IGSF21: variants seen among roughly 807,000 people sequenced by gnomAD.
The protein encoded by IGSF21 is immunoglobulin superfamily member 21.
IGSF21 carries 28 observed loss-of-function variants against 46.8 expected under a neutral mutation model. The observed-to-expected ratio is 0.60, with a 90% CI of 0.44 to 0.82. IGSF21 has a LOEUF of 0.82. Among genes scored for constraint, IGSF21 ranks in the 40% least tolerant of loss-of-function variants. The pLI is 0.00. For missense variants in IGSF21, 624 were observed against 665.5 expected (o/e 0.94, Z 0.69); for synonymous variants, 284 against 273.6 (o/e 1.04, Z -0.38).
intron 6 of IGSF21, among the ~76,000 whole-genome samples, chr1:18,371,505 G>A (rs11582007): frequency 0.042 from 6,423 of 151,610 alleles, 302 homozygotes; most frequent in African/African-American, 0.11. Flanking sequence ...CTGGGAGGTG[G>A]AGGTTGCAGT....
intron 2 of IGSF21, among the ~76,000 whole-genome samples, chr1:18,264,194 G>A (rs1393670590): frequency 6.6e-6 from 1 of 152,158 alleles, no homozygotes; most frequent in Non-Finnish European, 1.5e-5. Flanking sequence ...ATGAGGGGAT[G>A]GCCCTATTTC....
intron 2 of IGSF21, among the ~76,000 whole-genome samples, chr1:18,232,567 C>A (rs1243179047): frequency 6.6e-6 from 1 of 152,178 alleles, no homozygotes; most frequent in Non-Finnish European, 1.5e-5. Context: ...GAGACTGTGT[C>A]TCGGGTCATG....
chr1:18,132,152 A>G (rs1371328533), intron 1 of IGSF21, among the ~76,000 whole-genome samples: 2 of 142,430 alleles, frequency 1.4e-5, no homozygotes, highest in Non-Finnish European at 3.0e-5. Flanking sequence ...GAATATGTTT[A>G]TCCAATATCT....
chr1:18,331,832 C>T (rs998958926), intron 3 of IGSF21, among the ~76,000 whole-genome samples: 9 of 152,122 alleles, frequency 5.9e-5, no homozygotes, highest in African/African-American at 2.2e-4. Context: ...GTAGAACACC[C>T]AGGACTTGGT....
At chr1:18,287,455 T>C (rs935729599) in intron 2 of IGSF21, among the ~76,000 whole-genome samples, 5 of 152,098 alleles carry the variant, frequency 3.3e-5, no homozygotes, top group African/African-American at 1.2e-4. Context: ...AGAGCTTATG[T>C]TCTAGGAGTA....
intron 4 of IGSF21, among the ~76,000 whole-genome samples, chr1:18,336,619 C>T (rs1305151400): frequency 3.3e-5 from 5 of 152,196 alleles, no homozygotes; most frequent in Non-Finnish European, 7.3e-5. Context: ...TCTAAGGTGC[C>T]TTCAAGCAAG....
chr1:18,341,082 C>CTTCCTCTTCTTCTTCTTCTTCTT (rs1557651938), intron 4 of IGSF21, among the ~76,000 whole-genome samples: 3 of 98,798 alleles, frequency 3.0e-5, no homozygotes, highest in East Asian at 7.3e-4. Context: ...TTCTTCTCCT[C>CTTCCTCTTCTTCTTCTTCTTCTT]CTCCTCCTCC....
intron 1 of IGSF21, among the ~76,000 whole-genome samples, chr1:18,210,750 G>GC (rs1340635843): frequency 6.6e-6 from 1 of 152,148 alleles, no homozygotes; most frequent in Non-Finnish European, 1.5e-5. Flanking sequence ...CAGTAGCGCA[G>GC]CCCCCCTCCA....
chr1:18,236,362 C>T (rs1159102963), intron 2 of IGSF21, among the ~76,000 whole-genome samples: 1 of 152,202 alleles, frequency 6.6e-6, no homozygotes, highest in African/African-American at 2.4e-5. Context: ...GTGAGGCCTC[C>T]TCAGCCATGT....
At chr1:18,293,098 C>A (rs754771395) in intron 3 of IGSF21, among the ~76,000 whole-genome samples, 57 of 152,120 alleles carry the variant, frequency 3.7e-4, no homozygotes, top group Non-Finnish European at 7.8e-4. Context: ...TTAGACTGAG[C>A]CTGGAGGAGG....
intron 8 of IGSF21, 50 bp downstream of exon 8, chr1:18,377,042 C>A (rs778055476): frequency 3.3e-6 from 5 of 1,536,112 alleles, no homozygotes; most frequent in Non-Finnish European, 4.4e-6. Context: ...GGGGCGGGTC[C>A]TGTCTGGGAG....
intron 2 of IGSF21, among the ~76,000 whole-genome samples, chr1:18,285,508 A>G (rs1378946206): frequency 1.3e-5 from 2 of 152,216 alleles, no homozygotes; most frequent in Admixed American, 6.5e-5. Flanking sequence ...CATTCAGGGC[A>G]GCAAAGAGTC....
chr1:18,219,551 G>A (rs1045416954), intron 1 of IGSF21, among the ~76,000 whole-genome samples: 1 of 152,160 alleles, frequency 6.6e-6, no homozygotes, highest in Non-Finnish European at 1.5e-5. Context: ...AGCAGCGGAG[G>A]GGTGAGCTAG....
At chr1:18,204,328 T>A (rs547576397) in intron 1 of IGSF21, among the ~76,000 whole-genome samples, 1 of 152,368 alleles carries the variant, frequency 6.6e-6, no homozygotes, top group South Asian at 2.1e-4. Context: ...CTTCAGAGCC[T>A]GTGCTCGCAA....
chr1:18,313,659 G>A (rs2085512701), intron 3 of IGSF21, among the ~76,000 whole-genome samples: 1 of 152,160 alleles, frequency 6.6e-6, no homozygotes, highest in South Asian at 2.1e-4. Flanking sequence ...TTCTGCCTCT[G>A]GTTACACAGG....
intron 1 of IGSF21, among the ~76,000 whole-genome samples, chr1:18,199,898 C>T (rs181868651): frequency 1.4e-5 from 2 of 146,954 alleles, no homozygotes; most frequent in Non-Finnish European, 3.1e-5. Context: ...CCCGGCCCCC[C>T]CCTACCCCCG....
At chr1:18,292,690 C>T (rs1396054064) in intron 3 of IGSF21, among the ~76,000 whole-genome samples, 3 of 152,170 alleles carry the variant, frequency 2.0e-5, no homozygotes, top group African/African-American at 7.2e-5. Context: ...GGTCCCTCTT[C>T]TCAAAGGGCC....
intron 3 of IGSF21, among the ~76,000 whole-genome samples, chr1:18,311,841 C>G (rs2085491536): frequency 6.6e-6 from 1 of 152,130 alleles, no homozygotes; most frequent in South Asian, 2.1e-4. Context: ...GGAATAGCCC[C>G]CATGATTCAA....
intron 2 of IGSF21, among the ~76,000 whole-genome samples, chr1:18,241,912 G>T (rs1557603012): frequency 6.6e-6 from 1 of 152,172 alleles, no homozygotes; most frequent in Non-Finnish European, 1.5e-5. Context: ...AGTCCCCTTA[G>T]AGCAGCCCAG....
Sources: gnomAD v4.1 joint callset for allele counts (sites outside exome capture counted in the v4.1 genomes callset) on GRCh38, gnomAD v4.1.1 for gene constraint, MANE v1.5 for transcripts, NCBI Gene and HGNC (gene_info 2026-07-23, HGNC 2026-07-21) for gene names.